The following PRPF39 variants were observed in gnomAD, a reference collection of about 807,000 sequenced individuals.
The protein encoded by PRPF39 is pre-mRNA-processing factor 39.
A neutral mutation model predicts 82.1 loss-of-function variants in PRPF39; 27 were observed. That is an observed-to-expected ratio of 0.33 (90% CI 0.24 to 0.45). The LOEUF is 0.45. Among genes scored for constraint, PRPF39 ranks in the 20% least tolerant of loss-of-function variants. The pLI, the probability that PRPF39 is intolerant of heterozygous loss-of-function variation, is 1.00. For missense variants in PRPF39, 581 were observed against 796.9 expected (o/e 0.73, Z 3.26); for synonymous variants, 261 against 256.4 (o/e 1.02, Z -0.17).
At position 45,102,711 on chromosome 14, in the gene PRPF39, C is replaced by G. The variant is rs957750865; in HGVS notation, c.737+15C>G. 14 of 1,567,586 alleles carry G rather than the reference C, an allele frequency of 8.9e-6. No homozygotes were observed. The highest frequency in any genetic ancestry group is 1.4e-5 in the African/African-American group (1 of 72,908). ...CATTTTCAGAGGTAGGTGGGAAATT[C>G]TGATCATTGAAACATCTTTGATTAC... On this transcript the variant is annotated intron_variant, in intron 5 of 13. Transcript: ENST00000355765.
At chr14:45,098,459 AAAAGAG>A (rs1175267706) in intron 4 of PRPF39, among the ~76,000 whole-genome samples, 5 of 151,216 alleles carry the variant, frequency 3.3e-5, no homozygotes, top group African/African-American at 4.8e-5. Flanking sequence ...AAAAAAAAAA[AAAAGAG>A]AGAGAGATCA....
At chr14:45,089,904 A>G (rs1372874443) in intron 1 of PRPF39, among the ~76,000 whole-genome samples, 2 of 152,232 alleles carry the variant, frequency 1.3e-5, no homozygotes, top group African/African-American at 2.4e-5. Context: ...AATGATCTCT[A>G]TAAGCATAAG....
In PRPF39 at chr14:45,115,040, T is replaced by A; in HGVS notation, c.*127T>A. On this transcript the variant is annotated 3_prime_UTR_variant, in exon 14 of 14. Coordinates refer to ENST00000355765, the MANE Select transcript of PRPF39 (RefSeq NM_017922.4). The stretch of plus-strand genomic sequence containing the variant: ...CTGTCTTCCTTGTTTCTGTGTAACA[T>A]GATTTGTTTAGTAATAGGGGGAAAA... The A allele has an allele frequency of 1.5e-6, 1 of 672,724 alleles. No individual in the cohort carries two copies. Among genetic ancestry groups the A allele is most frequent in the East Asian group, 2.9e-5 (1 of 34,714 alleles). 41.7% of individuals were successfully genotyped at this position (672,724 alleles called of 1,614,324 possible). A position where few individuals can be genotyped will look rare whatever the true frequency, so the allele number is the denominator to read the frequency against.
intron 1 of PRPF39, among the ~76,000 whole-genome samples, chr14:45,091,575 A>G (rs1270789690): frequency 2.6e-5 from 4 of 152,216 alleles, no homozygotes; most frequent in South Asian, 2.1e-4. Flanking sequence ...ATATTTTACA[A>G]TTTTGCAGAG....
intron 11 of PRPF39, 105 bp downstream of exon 11, chr14:45,112,607 A>G (rs541095993): frequency 3.5e-6 from 4 of 1,143,930 alleles, no homozygotes; most frequent in South Asian, 5.9e-5. Flanking sequence ...AAATTTTAAA[A>G]TGTTCGCTTA....
intron 10 of PRPF39, 95 bp from the exon 11 acceptor site, chr14:45,112,223 T>G (rs1467103581): frequency 3.7e-6 from 4 of 1,078,902 alleles, no homozygotes; most frequent in Non-Finnish European, 5.1e-6. Context: ...TTTCAATATT[T>G]TTTCAAATTG....
intron 1 of PRPF39, among the ~76,000 whole-genome samples, chr14:45,085,937 A>AG (rs113179470): frequency 1.4e-5 from 2 of 143,658 alleles, no homozygotes; most frequent in African/African-American, 5.2e-5. Flanking sequence ...AGGCATACAG[A>AG]AAAAAAAAAA....
intron 1 of PRPF39, among the ~76,000 whole-genome samples, chr14:45,087,104 A>G (rs1395889819): frequency 1.3e-5 from 2 of 152,106 alleles, no homozygotes; most frequent in African/African-American, 4.8e-5. Flanking sequence ...AGAAGGGGAT[A>G]GTTAATTTTT....
intron 4 of PRPF39, among the ~76,000 whole-genome samples, chr14:45,101,906 A>G (rs1884388123): frequency 1.3e-5 from 2 of 151,514 alleles, no homozygotes; most frequent in Non-Finnish European, 2.9e-5. Context: ...TGCCGGGTTC[A>G]AGCAATTCTC....
At chr14:45,105,618 C>T (rs934697959) in intron 5 of PRPF39, among the ~76,000 whole-genome samples, 1 of 151,364 alleles carries the variant, frequency 6.6e-6, no homozygotes, top group Non-Finnish European at 1.5e-5. Context: ...CCTCCACCTC[C>T]CAGGTTCAAG....
chr14:45,107,591 T>C lies in PRPF39; in HGVS notation c.878T>C (p.Ile293Thr), dbSNP rs1309822539. 1 of 1,552,340 alleles carries C rather than the reference T, an allele frequency of 6.4e-7. No homozygotes were observed. The highest frequency in any genetic ancestry group is 1.2e-5 in the South Asian group (1 of 84,022). Reference sequence around the variant, plus strand: ...CCTGGTGATGATCTACCATCGGGAATTGAAGACATAACCGATCCTGCAAAG... The same window carrying C: ...CCTGGTGATGATCTACCATCGGGAACTGAAGACATAACCGATCCTGCAAAG... ...GPPGDDLPSG[I>T]EDITDPAKLI... The change falls in exon 6 of 14, where the codon ATT (isoleucine) becomes ACT (threonine). Residue 293 changes from isoleucine to threonine, a missense_variant. Coordinates refer to ENST00000355765, the MANE Select transcript of PRPF39 (RefSeq NM_017922.4).
At chr14:45,111,077 T>C (rs1884682381) in intron 10 of PRPF39, 1 of 403,718 alleles carries the variant, frequency 2.5e-6, no homozygotes, top group Non-Finnish European at 4.5e-6. Flanking sequence ...CTTTAGAAAT[T>C]ATCAACAAAT....
chr14:45,102,836 T>C, intron 5 of PRPF39, 140 bp downstream of exon 5: 1 of 818,590 alleles, frequency 1.2e-6, no homozygotes, highest in Non-Finnish European at 1.8e-6. Flanking sequence ...AATCACAACC[T>C]ACATGCTTGC....
intron 1 of PRPF39, among the ~76,000 whole-genome samples, chr14:45,087,444 C>T (rs1461850219): frequency 6.6e-6 from 1 of 152,052 alleles, no homozygotes; most frequent in Non-Finnish European, 1.5e-5. Context: ...TAATTGTATA[C>T]ATCGTGGGAT....
rs1222494632 is a variant in PRPF39 at position 45,115,540 on chromosome 14, A to G, written c.*627A>G. 1 of 152,590 alleles carries G rather than the reference A, an allele frequency of 6.6e-6. No homozygotes were observed. Among genetic ancestry groups the G allele is most frequent in the Non-Finnish European group, 1.5e-5 (1 of 68,006 alleles). The allele number at this position is 152,590 out of a possible 1,614,324, so 9.5% of individuals were successfully genotyped here. On this transcript the variant is annotated 3_prime_UTR_variant, in exon 14 of 14. Transcript: ENST00000355765. Reference sequence around the variant, plus strand: ...AATATTCATGTAAAACTTGTGAACAAGCTTTCATTTTGATCAAACTGATCT... The same window carrying G: ...AATATTCATGTAAAACTTGTGAACAGGCTTTCATTTTGATCAAACTGATCT...
intron 1 of PRPF39, among the ~76,000 whole-genome samples, chr14:45,084,904 A>G (rs879629592): frequency 1.3e-5 from 2 of 152,246 alleles, no homozygotes; most frequent in African/African-American, 4.8e-5. Flanking sequence ...TGAAGTTAAT[A>G]AATAATACTG....
intron 1 of PRPF39, among the ~76,000 whole-genome samples, chr14:45,093,956 G>C (rs1884121088): frequency 6.6e-6 from 1 of 152,072 alleles, no homozygotes; most frequent in South Asian, 2.1e-4. Context: ...TATTTCCATA[G>C]TATAAAATAT....
chr14:45,106,380 G>A (rs1278364269), intron 5 of PRPF39, among the ~76,000 whole-genome samples: 1 of 151,548 alleles, frequency 6.6e-6, no homozygotes, highest in Non-Finnish European at 1.5e-5. Flanking sequence ...AATACTGAGG[G>A]TATTCATTTT....
intron 11 of PRPF39, among the ~76,000 whole-genome samples, chr14:45,113,403 T>C (rs1419025709): frequency 6.6e-6 from 1 of 152,180 alleles, no homozygotes; most frequent in African/African-American, 2.4e-5. Context: ...TCTTAATAGA[T>C]GAGAGGATTA....
Sources: gnomAD v4.1 joint callset for allele counts (sites outside exome capture counted in the v4.1 genomes callset) on GRCh38, gnomAD v4.1.1 for gene constraint, MANE v1.5 for transcripts, NCBI Gene and HGNC (gene_info 2026-07-23, HGNC 2026-07-21) for gene names.